WDR17: variants seen among roughly 807,000 people sequenced by gnomAD.
WDR17 encodes WD repeat-containing protein 17.
A neutral mutation model predicts 161.7 loss-of-function variants in WDR17; 143 were observed. That is an observed-to-expected ratio of 0.88 (90% CI 0.77 to 1.02). The LOEUF is 1.02. Ranked by LOEUF, WDR17 falls within the 50% of genes least tolerant of loss-of-function variation. The probability of loss-of-function intolerance (pLI) is 0.00; values close to 1 mark genes in which losing one functional copy is unlikely to be tolerated. For missense variants in WDR17, 1,469 were observed against 1,520.9 expected (o/e 0.97, Z 0.57); for synonymous variants, 517 against 515.6 (o/e 1.00, Z -0.04).
intron 18 of WDR17, among the ~76,000 whole-genome samples, chr4:176,158,463 AAAC>A (rs769859605): frequency 7.2e-4 from 109 of 152,222 alleles, no homozygotes; most frequent in Non-Finnish European, 1.2e-3. Context: ...CAAACAACTA[AAAC>A]AACAACAACA....
At chr4:176,125,868 T>G (rs149190594) in intron 5 of WDR17, among the ~76,000 whole-genome samples, 132 of 152,296 alleles carry the variant, frequency 8.7e-4, no homozygotes, top group African/African-American at 3.0e-3. Context: ...ATAAACTAGT[T>G]TAGATTAGTT....
chr4:176,177,747 G>A (rs1432857963), intron 28 of WDR17, 93 bp downstream of exon 28: 1 of 1,336,858 alleles, frequency 7.5e-7, no homozygotes, highest in East Asian at 2.5e-5. Context: ...TTGGATAAAA[G>A]TAGGTAATTT....
At chr4:176,104,038 C>G (rs1738274252) in intron 1 of WDR17, among the ~76,000 whole-genome samples, 1 of 151,994 alleles carries the variant, frequency 6.6e-6, no homozygotes, top group South Asian at 2.1e-4. Flanking sequence ...CACATACATA[C>G]AGGGATCCTC....
At chr4:176,076,384 C>A (rs1319800822) in intron 1 of WDR17, among the ~76,000 whole-genome samples, 1 of 143,956 alleles carries the variant, frequency 6.9e-6, no homozygotes, top group Non-Finnish European at 1.5e-5. Context: ...TTTTTTTAAC[C>A]CAGTAAATGA....
chr4:176,148,020 A>G, intron 12 of WDR17, 113 bp from the exon 13 acceptor site: 1 of 770,536 alleles, frequency 1.3e-6, no homozygotes, highest in South Asian at 2.7e-5. Context: ...CTTGAGACAT[A>G]AAATGCTTCT....
In WDR17 at chr4:176,162,261, A is replaced by G. The variant is rs73003487; in HGVS notation, c.2850+87A>G. The G allele has an allele frequency of 3.5e-3, 4,198 of 1,200,300 alleles. 114 individuals are homozygous for G. In the African/African-American group the frequency reaches 0.057, roughly 16 times the overall value. 74.4% of individuals were successfully genotyped at this position (1,200,300 alleles called of 1,614,324 possible). On this transcript the variant is annotated intron_variant, in intron 21 of 28. Coordinates refer to ENST00000508596, the MANE Select transcript of WDR17 (RefSeq NM_181265.4). ...AGAGGAAAAGATATGGTGACTTTCT[A>G]TGTGAGATCTGGTTTTGCATGTCTT...
chr4:176,073,307 A>G (rs145668676), intron 1 of WDR17, among the ~76,000 whole-genome samples: 3,480 of 151,908 alleles, frequency 0.023, 63 homozygotes, highest in Middle Eastern at 0.083. Context: ...TACTATGTCC[A>G]TGTGTTCTCA....
chr4:176,153,443 A>G (rs973010899), intron 17 of WDR17, among the ~76,000 whole-genome samples: 9 of 152,176 alleles, frequency 5.9e-5, no homozygotes, highest in Non-Finnish European at 1.0e-4. Flanking sequence ...AGTGACTGCA[A>G]TGGAACACGG....
At chr4:176,070,741 G>A (rs1368738735) in intron 1 of WDR17, among the ~76,000 whole-genome samples, 2 of 151,856 alleles carry the variant, frequency 1.3e-5, no homozygotes, top group Non-Finnish European at 1.5e-5. Context: ...GGCTGATCTG[G>A]AACTCCTGGG....
intron 6 of WDR17, among the ~76,000 whole-genome samples, chr4:176,130,533 A>C (rs1378897016): frequency 6.6e-6 from 1 of 152,120 alleles, no homozygotes; most frequent in Non-Finnish European, 1.5e-5. Context: ...TCACAAGGTC[A>C]GGAGATCGAG....
At chr4:176,134,697 G>A (rs1744113474) in intron 7 of WDR17, among the ~76,000 whole-genome samples, 1 of 151,658 alleles carries the variant, frequency 6.6e-6, no homozygotes, top group Non-Finnish European at 1.5e-5. Flanking sequence ...TTTAGTTTGA[G>A]TTTCATCTTG....
At chr4:176,073,241 C>T (rs984457559) in intron 1 of WDR17, among the ~76,000 whole-genome samples, 1 of 152,132 alleles carries the variant, frequency 6.6e-6, no homozygotes, top group Non-Finnish European at 1.5e-5. Context: ...TCTCCTAATG[C>T]TTTCCCTCCC....
intron 17 of WDR17, among the ~76,000 whole-genome samples, chr4:176,154,877 C>T (rs1304670070): frequency 4.6e-5 from 7 of 152,144 alleles, no homozygotes; most frequent in Non-Finnish European, 1.5e-5. Flanking sequence ...CTCAGTTCCA[C>T]TCTAGACTGG....
intron 1 of WDR17, among the ~76,000 whole-genome samples, chr4:176,087,787 A>C (rs1402854390): frequency 1.3e-5 from 2 of 152,092 alleles, no homozygotes; most frequent in Non-Finnish European, 2.9e-5. Context: ...TTGAGATATA[A>C]ATTTCAGCCA....
In WDR17 at chr4:176,162,222, T is replaced by A. The variant is rs73003486; in HGVS notation, c.2850+48T>A. 4,686 of 1,543,850 alleles carry A rather than the reference T, an allele frequency of 3.0e-3. 127 individuals are homozygous for A. The African/African-American group carries it at 0.056, about 18-fold the overall frequency. ...ATGTGAATGAAAAGTTTTTTAGATA[T>A]GTCATGGTGTTTGAGAGGAAAAGAT... On this transcript the variant is annotated intron_variant, in intron 21 of 28. Transcript: ENST00000508596.
chr4:176,071,649 C>T (rs1195678384), intron 1 of WDR17, among the ~76,000 whole-genome samples: 1 of 152,124 alleles, frequency 6.6e-6, no homozygotes, highest in Non-Finnish European at 1.5e-5. Context: ...ATACCTCTCT[C>T]AGAATGGTCA....
At chr4:176,107,053 C>T (rs530724026) in intron 1 of WDR17, among the ~76,000 whole-genome samples, 14 of 151,954 alleles carry the variant, frequency 9.2e-5, no homozygotes, top group Admixed American at 6.6e-4. Flanking sequence ...GGATTAATAC[C>T]GCAAATATAG....
At chr4:176,137,024 A>G (rs569064049) in intron 8 of WDR17, among the ~76,000 whole-genome samples, 5 of 151,662 alleles carry the variant, frequency 3.3e-5, no homozygotes, top group Admixed American at 3.3e-4. Context: ...AACAGAAAGC[A>G]TTGTTTATGT....
chr4:176,104,119 G>A lies in WDR17; in HGVS notation c.-6-7456G>A, dbSNP rs926387814. Among the ~76,000 whole-genome samples, 13 of 152,066 alleles carry A rather than the reference G, an allele frequency of 8.5e-5. 1 individual carries two copies. Among genetic ancestry groups the A allele is most frequent in the African/African-American group, 3.1e-4 (13 of 41,438 alleles). The stretch of plus-strand genomic sequence containing the variant: ...AAGGAAATGGGCCAATATATTTAAA[G>A]TGCTAAAAGAAAAAAAGAATGTCAA... On this transcript the variant is annotated intron_variant, in intron 1 of 28. Coordinates refer to ENST00000508596, the MANE Select transcript of WDR17 (RefSeq NM_181265.4).
Sources: allele counts gnomAD v4.1 joint callset (sites outside exome capture counted in the v4.1 genomes callset), GRCh38; gene constraint gnomAD v4.1.1; transcripts MANE v1.5; gene names NCBI Gene and HGNC (gene_info 2026-07-23, HGNC 2026-07-21).